The following NSG2 variants were observed in gnomAD, a reference collection of about 807,000 sequenced individuals.
NSG2 encodes neuronal vesicle trafficking-associated protein 2.
NSG2 carries 4 observed loss-of-function variants against 16.9 expected under a neutral mutation model. That is an observed-to-expected ratio of 0.24 (90% CI 0.12 to 0.54). The LOEUF (loss-of-function observed/expected upper bound fraction) is 0.54. Among genes scored for constraint, NSG2 ranks in the 20% least tolerant of loss-of-function variants. The probability of loss-of-function intolerance (pLI) is 0.95; values close to 1 mark genes in which losing one functional copy is unlikely to be tolerated. For missense variants in NSG2, 179 were observed against 221.1 expected, an observed-to-expected ratio of 0.81 and a Z score of 1.21; for synonymous variants, 98 against 88.7, an observed-to-expected ratio of 1.11 and a Z score of -0.59.
chr5:174,080,675 C>A (rs1760444701), intron 3 of NSG2, among the ~76,000 whole-genome samples: 1 of 152,064 alleles, frequency 6.6e-6, no homozygotes, highest in African/African-American at 2.4e-5. Context: ...GATGGTTGTG[C>A]CTCAGCCTCC....
intron 3 of NSG2, among the ~76,000 whole-genome samples, chr5:174,079,986 C>A (rs1203105859): frequency 1.3e-5 from 2 of 152,144 alleles, no homozygotes; most frequent in Non-Finnish European, 2.9e-5. Flanking sequence ...GTGTGAAGAG[C>A]AAGCTGGGAA....
intron 3 of NSG2, among the ~76,000 whole-genome samples, chr5:174,067,111 G>C (rs1034426048): frequency 6.6e-6 from 1 of 151,946 alleles, no homozygotes; most frequent in Non-Finnish European, 1.5e-5. Context: ...TGCTTTCTAG[G>C]ATTGGAGCTA....
intron 3 of NSG2, among the ~76,000 whole-genome samples, chr5:174,065,003 T>A (rs987063855): frequency 3.9e-5 from 6 of 152,000 alleles, no homozygotes; most frequent in Non-Finnish European, 8.8e-5. Context: ...CAACCCTGAA[T>A]AGAAACAGAA....
chr5:174,058,086 A>T (rs139515794), intron 2 of NSG2, among the ~76,000 whole-genome samples: 16 of 152,310 alleles, frequency 1.1e-4, no homozygotes, highest in African/African-American at 3.4e-4. Flanking sequence ...TCTGTGTTTG[A>T]TTTGACATAA....
intron 2 of NSG2, among the ~76,000 whole-genome samples, chr5:174,052,942 A>C (rs933724826): frequency 6.6e-6 from 1 of 152,102 alleles, no homozygotes; most frequent in African/African-American, 2.4e-5. Flanking sequence ...CTTTCTATTG[A>C]TTATTAAGTC....
chr5:174,070,294 G>A (rs559499185), intron 3 of NSG2, among the ~76,000 whole-genome samples: 2 of 152,136 alleles, frequency 1.3e-5, no homozygotes, highest in Admixed American at 1.3e-4. Context: ...CAACAATCTT[G>A]GGAAGTAGGT....
At chr5:174,075,366 T>G (rs1245093376) in intron 3 of NSG2, among the ~76,000 whole-genome samples, 1 of 152,170 alleles carries the variant, frequency 6.6e-6, no homozygotes, top group African/African-American at 2.4e-5. Flanking sequence ...CGTATATTCT[T>G]TTATCTATAC....
At chr5:174,083,592 G>A (rs1760534384) in intron 3 of NSG2, among the ~76,000 whole-genome samples, 1 of 152,128 alleles carries the variant, frequency 6.6e-6, no homozygotes, top group Non-Finnish European at 1.5e-5. Context: ...ATGAAATTCA[G>A]GAGCTGGCGT....
chr5:174,067,951 G>T (rs1760171896), intron 3 of NSG2, among the ~76,000 whole-genome samples: 1 of 152,166 alleles, frequency 6.6e-6, no homozygotes, highest in African/African-American at 2.4e-5. Context: ...CATGGGTGGG[G>T]AGGGGGAAGA....
rs184550803 is a variant in NSG2, at chr5:174,095,349, C to T, written c.214-8879C>T. Among the ~76,000 whole-genome samples, 14 of 152,316 alleles carry T rather than the reference C, an allele frequency of 9.2e-5. No individual in the cohort carries two copies. The East Asian group carries it at 2.7e-3, about 29-fold the overall frequency. On this transcript the variant is annotated intron_variant, in intron 3 of 4. Transcript: ENST00000303177. ...TTCTCTCACAGTTCAGGGTGTCAGA[C>T]ATCCACTGCTGAGGTGCTGGCAGGG...
chr5:174,097,337 G>A (rs1027841003), intron 3 of NSG2, among the ~76,000 whole-genome samples: 5 of 151,968 alleles, frequency 3.3e-5, no homozygotes, highest in Non-Finnish European at 5.9e-5. Context: ...GTGGGGTGGC[G>A]GGGTTGAGGA....
chr5:174,106,205 G>A (rs577822875), intron 4 of NSG2, among the ~76,000 whole-genome samples: 5 of 152,288 alleles, frequency 3.3e-5, no homozygotes, highest in Non-Finnish European at 7.4e-5. Context: ...AGGGATGGAC[G>A]CAAGGCTTCT....
chr5:174,072,632 C>G lies in NSG2; in HGVS notation c.213+8317C>G, dbSNP rs918361686. On this transcript the variant is annotated intron_variant, in intron 3 of 4. Transcript: ENST00000303177. The surrounding 1 kb of genome is among the most constrained non-coding windows in gnomAD (Gnocchi z 4.0). ...GGACCAGGAGCTCTTGTACCCTTCT[C>G]TGTACCCTAAGAAGCTAGCCAGCAC... Among the ~76,000 whole-genome samples the G allele has an allele frequency of 6.6e-6, 1 of 152,222 alleles. No individual in the cohort carries two copies. The highest frequency in any genetic ancestry group is 1.5e-5 in the Non-Finnish European group (1 of 68,040).
Position 174,054,066 on chromosome 5 carries a change from C to T in NSG2, c.129+7182C>T, listed in dbSNP as rs577447433. Among the ~76,000 whole-genome samples, 170 of 152,312 alleles carry T rather than the reference C, an allele frequency of 1.1e-3. 3 individuals are homozygous for T. In the South Asian group the frequency reaches 0.033, roughly 29 times the overall value. On this transcript the variant is annotated intron_variant, in intron 2 of 4. Transcript: ENST00000303177. Reference sequence around the variant, plus strand: ...GCCTGGTTAACTGAGCTCTGGCACACGCATGTGGAATCCTAAGCAGAGGTT... The same window carrying T: ...GCCTGGTTAACTGAGCTCTGGCACATGCATGTGGAATCCTAAGCAGAGGTT...
rs548181603 is a variant in NSG2, at chr5:174,095,529, G to A, written c.214-8699G>A. Among the ~76,000 whole-genome samples the A allele has an allele frequency of 7.9e-5, 12 of 152,202 alleles. 1 individual carries two copies. The South Asian group carries it at 1.0e-3, about 13-fold the overall frequency. On this transcript the variant is annotated intron_variant, in intron 3 of 4. Transcript: ENST00000303177. Reference sequence around the variant, plus strand: ...TCTTTCTGTGGGTCTGTCTCCCTCCGTGTGTCTCTAATAGGGGCACTGCTT... The same window carrying A: ...TCTTTCTGTGGGTCTGTCTCCCTCCATGTGTCTCTAATAGGGGCACTGCTT...
chr5:174,106,223 T>G (rs1760977157), intron 4 of NSG2, among the ~76,000 whole-genome samples: 1 of 152,260 alleles, frequency 6.6e-6, no homozygotes, highest in Admixed American at 6.5e-5. Context: ...TCTTCGGATC[T>G]ATCTTCTTAA....
rs550051929 is a variant in NSG2 at position 174,061,148 on chromosome 5, C to T, written c.130-3084C>T. 6.6e-5 allele frequency among the ~76,000 whole-genome samples: 10 copies of T among 152,004 alleles called. No homozygotes were observed. The South Asian group carries it at 1.2e-3, about 19-fold the overall frequency. ...CATGTATATATTACACACACACACA[C>T]ATATATACATACACACATGCATGGG... On this transcript the variant is annotated intron_variant, in intron 2 of 4. Transcript: ENST00000303177.
chr5:174,087,880 A>C (rs1259852780), intron 3 of NSG2, among the ~76,000 whole-genome samples: 2 of 152,162 alleles, frequency 1.3e-5, no homozygotes, highest in Non-Finnish European at 2.9e-5. Flanking sequence ...TTTCCAGTGA[A>C]ATCATCTTGG....
In NSG2 at chr5:174,107,611, G is replaced by A. The variant is rs752396473; in HGVS notation, c.*106G>A. On this transcript the variant is annotated 3_prime_UTR_variant, in exon 5 of 5. Transcript: ENST00000303177. This position sits in a 1 kb window ranked among gnomAD's most constrained non-coding sequence, Gnocchi z 4.5. Reference sequence around the variant, plus strand: ...CACTGTACTCCTGGGATATGGGGGCGGGGGCGGGGCAGGGCAGGGTGGGGG... The same window carrying A: ...CACTGTACTCCTGGGATATGGGGGCAGGGGCGGGGCAGGGCAGGGTGGGGG... 3.6e-5 allele frequency: 39 copies of A among 1,078,836 alleles called. No homozygotes were observed. The Middle Eastern group carries it at 6.3e-4, about 17-fold the overall frequency. The allele number at this position is 1,078,836 out of a possible 1,614,324, so 66.8% of individuals were successfully genotyped here. A position where few individuals can be genotyped will look rare whatever the true frequency, so the allele number is the denominator to read the frequency against.
Sources: gnomAD v4.1 joint callset for allele counts (sites outside exome capture counted in the v4.1 genomes callset) on GRCh38, gnomAD v4.1.1 for gene constraint, Gnocchi (gnomAD v3.1) non-coding constraint, MANE v1.5 for transcripts, NCBI Gene and HGNC (gene_info 2026-07-23, HGNC 2026-07-21) for gene names.